The following TENM3 variants were observed in gnomAD, a reference collection of about 807,000 sequenced individuals.
TENM3 encodes teneurin transmembrane protein 3, also known as teneurin-3.
Under a neutral mutation model 255.1 loss-of-function variants are expected in TENM3, and 63 were observed. The observed-to-expected ratio is 0.25, with a 90% CI of 0.20 to 0.30. The LOEUF (loss-of-function observed/expected upper bound fraction) is 0.30, where lower values mean the gene tolerates loss of function less well. TENM3 is among the 10% of genes least tolerant of loss of function. The pLI is 1.00. For missense variants in TENM3, 2,929 were observed against 3,461.1 expected (o/e 0.85, Z 3.86); for synonymous variants, 1,306 against 1,322.3 (o/e 0.99, Z 0.27).
At chr4:181,679,511 A>G in the TENM3 span, among the ~76,000 whole-genome samples, 5 of 152,154 alleles carry the variant, frequency 3.3e-5, no homozygotes, top group African/African-American at 1.2e-4. Context: ...AGTATAAACA[A>G]GCAAAATATA....
At chr4:182,662,924 T>C (rs1486944262) in intron 6 of TENM3, among the ~76,000 whole-genome samples, 1 of 152,176 alleles carries the variant, frequency 6.6e-6, no homozygotes, top group Non-Finnish European at 1.5e-5. Context: ...CAGTGCAGAA[T>C]TTAAAGACAA....
chr4:182,740,289 C>G (rs1019898646), intron 18 of TENM3, among the ~76,000 whole-genome samples: 1 of 152,182 alleles, frequency 6.6e-6, no homozygotes, highest in African/African-American at 2.4e-5. Context: ...GGTGGGACTC[C>G]TGACTAAGCA....
intron 3 of TENM3, among the ~76,000 whole-genome samples, chr4:182,489,980 A>G (rs192593547): frequency 1.5e-3 from 231 of 152,306 alleles, no homozygotes; most frequent in Middle Eastern, 6.8e-3. Flanking sequence ...TATACAAGGT[A>G]GAAAATGATA....
At chr4:182,463,578 C>T (rs1219904288) in intron 3 of TENM3, among the ~76,000 whole-genome samples, 4 of 151,474 alleles carry the variant, frequency 2.6e-5, no homozygotes, top group Non-Finnish European at 5.9e-5. Context: ...TCAAGCGATT[C>T]GAATCAAGTA....
At chr4:181,653,645 C>T in the TENM3 span, among the ~76,000 whole-genome samples, 9 of 151,216 alleles carry the variant, frequency 6.0e-5, no homozygotes, top group East Asian at 3.9e-4. Context: ...GTGATCTGCC[C>T]GCCTTGGCCT....
chr4:182,665,789 A>T (rs891853071), intron 6 of TENM3, among the ~76,000 whole-genome samples: 2 of 152,076 alleles, frequency 1.3e-5, no homozygotes, highest in African/African-American at 4.8e-5. Flanking sequence ...CCAGCTACTC[A>T]GGAGGCTGAG....
the TENM3 span, among the ~76,000 whole-genome samples, chr4:182,046,819 C>A: frequency 1.3e-5 from 2 of 152,132 alleles, no homozygotes; most frequent in East Asian, 3.8e-4. Context: ...AGAAGAGCAC[C>A]ATGTCCTATA....
chr4:181,618,046 T>C, the TENM3 span, among the ~76,000 whole-genome samples: 1 of 152,218 alleles, frequency 6.6e-6, no homozygotes, highest in Non-Finnish European at 1.5e-5. Flanking sequence ...ACAATCAGCA[T>C]CAGTGGTGTC....
At chr4:181,588,244 A>G in the TENM3 span, among the ~76,000 whole-genome samples, 1 of 152,276 alleles carries the variant, frequency 6.6e-6, no homozygotes, top group African/African-American at 2.4e-5. Flanking sequence ...TTCTCCGCAC[A>G]TCAAACATCT....
chr4:181,833,534 A>C, the TENM3 span, among the ~76,000 whole-genome samples: 4 of 152,130 alleles, frequency 2.6e-5, no homozygotes, highest in East Asian at 7.7e-4. Flanking sequence ...ATCCAAACTC[A>C]TTTCCAAGGC....
At chr4:182,295,200 A>G (rs868434607) in intron 1 of TENM3, among the ~76,000 whole-genome samples, 2 of 151,378 alleles carry the variant, frequency 1.3e-5, no homozygotes, top group African/African-American at 4.9e-5. Flanking sequence ...ATGATATAAG[A>G]CACAGTGTTG....
chr4:182,068,937 A>C, the TENM3 span, among the ~76,000 whole-genome samples: 1 of 152,136 alleles, frequency 6.6e-6, no homozygotes, highest in Non-Finnish European at 1.5e-5. Context: ...ATCAATACAA[A>C]TTAATAGGTG....
At chr4:182,322,579 C>G (rs931878341) in intron 1 of TENM3, among the ~76,000 whole-genome samples, 1 of 152,114 alleles carries the variant, frequency 6.6e-6, no homozygotes, top group Non-Finnish European at 1.5e-5. Context: ...CTTGACAACT[C>G]CAGGATAAGC....
At chr4:182,318,292 G>C (rs2675535) in intron 1 of TENM3, among the ~76,000 whole-genome samples, 25,522 of 152,086 alleles carry the variant, frequency 0.17, 2,373 homozygotes, top group Middle Eastern at 0.23. Flanking sequence ...AACTACAATT[G>C]ATGTTAGGGA....
At chr4:181,611,138 A>C in the TENM3 span, among the ~76,000 whole-genome samples, 2 of 152,228 alleles carry the variant, frequency 1.3e-5, no homozygotes, top group Non-Finnish European at 2.9e-5. Context: ...TGATGGATTT[A>C]AATTAGTACA....
rs186263037 is a variant in TENM3, at chr4:182,413,789, C to T, written c.511+66860C>T. 6.6e-5 allele frequency among the ~76,000 whole-genome samples: 10 copies of T among 152,296 alleles called. No homozygotes were observed. In the East Asian group the frequency reaches 1.4e-3, roughly 21 times the overall value. On this transcript the variant is annotated intron_variant, in intron 3 of 27. Transcript: ENST00000511685. Reference sequence around the variant, plus strand: ...TACCACTTCAGGTATAAAATTCAAGCTCCTAATGGAAAGGAGTAAAATATC... The same window carrying T: ...TACCACTTCAGGTATAAAATTCAAGTTCCTAATGGAAAGGAGTAAAATATC...
At chr4:181,747,849 G>C in the TENM3 span, among the ~76,000 whole-genome samples, 1 of 151,914 alleles carries the variant, frequency 6.6e-6, no homozygotes, top group South Asian at 2.1e-4. Context: ...TAAGAATCCG[G>C]TTTTCTTTTT....
chr4:182,527,667 A>AT (rs1739346802), intron 3 of TENM3, among the ~76,000 whole-genome samples: 3 of 151,974 alleles, frequency 2.0e-5, no homozygotes, highest in Non-Finnish European at 4.4e-5. Context: ...CTAAACATTG[A>AT]TTTTCTCACC....
chr4:182,082,810 T>C, the TENM3 span, among the ~76,000 whole-genome samples: 1 of 152,248 alleles, frequency 6.6e-6, no homozygotes, highest in East Asian at 1.9e-4. Flanking sequence ...TCTATGAATA[T>C]GTAGTACGCA....
Sources: gnomAD v4.1 joint callset for allele counts (sites outside exome capture counted in the v4.1 genomes callset) on GRCh38, gnomAD v4.1.1 for gene constraint, MANE v1.5 for transcripts, NCBI Gene and HGNC (gene_info 2026-07-23, HGNC 2026-07-21) for gene names.